Variants in HMGA2 observed in about 807,000 individuals in gnomAD.
HMGA2 encodes high mobility group protein HMGI-C.
In HMGA2, 8 loss-of-function variants were observed where a neutral mutation model predicts 19.1. The observed-to-expected ratio is 0.42, with a 90% CI of 0.25 to 0.76. HMGA2 has a LOEUF of 0.76. Among genes scored for constraint, HMGA2 ranks in the 30% least tolerant of loss-of-function variants. The pLI is 0.28. For missense variants in HMGA2, 109 were observed against 136.3 expected (o/e 0.80, Z 1.00); for synonymous variants, 60 against 48.8 (o/e 1.23, Z -0.96).
chr12:65,908,373 C>T (rs1490259811), intron 3 of HMGA2, among the ~76,000 whole-genome samples: 3 of 152,190 alleles, frequency 2.0e-5, no homozygotes, highest in South Asian at 2.1e-4. Flanking sequence ...CTGTTCTACT[C>T]AGTGTGATTT....
intron 3 of HMGA2, among the ~76,000 whole-genome samples, chr12:65,872,770 T>G (rs2121045264): frequency 6.6e-6 from 1 of 152,298 alleles, no homozygotes; most frequent in East Asian, 1.9e-4. Context: ...ACTGCAAGTG[T>G]TTTCTTCAGA....
Position 65,936,235 on chromosome 12 carries a change from A to G in HMGA2, c.250-15148A>G, listed in dbSNP as rs2121280911. 3.3e-5 allele frequency among the ~76,000 whole-genome samples: 5 copies of G among 149,306 alleles called. No homozygotes were observed. The East Asian group carries it at 9.7e-4, about 29-fold the overall frequency. ...TCATTTTTTTTTTTTTTGGCCTTAC[A>G]AGAATGTGGGGGGAGGATATCCCTA... On this transcript the variant is annotated intron_variant, in intron 3 of 4. Transcript: ENST00000403681.
intron 2 of HMGA2, among the ~76,000 whole-genome samples, chr12:65,833,544 C>T (rs73115419): frequency 0.017 from 2,636 of 152,170 alleles, 47 homozygotes; most frequent in South Asian, 0.04. Flanking sequence ...AAACCTGACC[C>T]TGAAGTCAGA....
At chr12:65,946,923 A>C (rs35084099) in intron 3 of HMGA2, among the ~76,000 whole-genome samples, 42,337 of 152,046 alleles carry the variant, frequency 0.28, 6,444 homozygotes, top group South Asian at 0.4. Flanking sequence ...GTTTCTTAGC[A>C]TGTTGTACCC....
intron 2 of HMGA2, 112 bp from the exon 3 acceptor site, chr12:65,838,406 AC>A (rs1870829881): frequency 6.6e-6 from 5 of 757,480 alleles, no homozygotes; most frequent in African/African-American, 1.9e-5. Flanking sequence ...AAAAAAAAAA[AC>A]CGATACGTCA....
At chr12:65,890,115 C>G (rs917443335) in intron 3 of HMGA2, among the ~76,000 whole-genome samples, 3 of 152,176 alleles carry the variant, frequency 2.0e-5, no homozygotes, top group Non-Finnish European at 2.9e-5. Context: ...GCAAAACACT[C>G]AGCAAAATGA....
At chr12:65,854,488 T>C (rs1447365709) in intron 3 of HMGA2, among the ~76,000 whole-genome samples, 1 of 152,208 alleles carries the variant, frequency 6.6e-6, no homozygotes, top group Non-Finnish European at 1.5e-5. Context: ...CAGTTTCGCA[T>C]GTACTTATTT....
chr12:65,914,981 A>G, intron 3 of HMGA2: 1 of 1,594,028 alleles, frequency 6.3e-7, no homozygotes. Context: ...GGTCTAAAAA[A>G]TGTCTATTAG....
At chr12:65,914,625 C>T (rs1042408935) in intron 3 of HMGA2, 15 of 283,566 alleles carry the variant, frequency 5.3e-5, no homozygotes, top group African/African-American at 3.3e-4. Flanking sequence ...CACATGTACC[C>T]TAAAACTTAA....
intron 3 of HMGA2, among the ~76,000 whole-genome samples, chr12:65,938,213 CAGAA>C (rs1176348016): frequency 6.6e-6 from 1 of 152,162 alleles, no homozygotes; most frequent in Non-Finnish European, 1.5e-5. Flanking sequence ...ACTGGAAGAG[CAGAA>C]AGAAAGAATC....
intron 3 of HMGA2, among the ~76,000 whole-genome samples, chr12:65,903,623 G>A (rs1427004270): frequency 3.9e-5 from 6 of 152,114 alleles, no homozygotes; most frequent in Middle Eastern, 6.8e-3. Flanking sequence ...AGAAATCACA[G>A]TGAGTATTTT....
intron 3 of HMGA2, among the ~76,000 whole-genome samples, chr12:65,904,824 C>T (rs1031831245): frequency 1.3e-5 from 2 of 151,860 alleles, no homozygotes; most frequent in Non-Finnish European, 2.9e-5. Flanking sequence ...GGCAGATCAC[C>T]TGAGGTCAGG....
intron 2 of HMGA2, 85 bp downstream of exon 2, chr12:65,828,172 C>T: frequency 1.0e-6 from 1 of 995,992 alleles, no homozygotes. Context: ...TCTAACTCCG[C>T]AGCCAGGAAT....
chr12:65,864,419 A>C (rs191208900), intron 3 of HMGA2, among the ~76,000 whole-genome samples: 6 of 152,346 alleles, frequency 3.9e-5, no homozygotes, highest in Admixed American at 3.3e-4. Context: ...AGCCAGAAAC[A>C]GAATTATGAG....
chr12:65,840,318 C>G (rs930795901), intron 3 of HMGA2, among the ~76,000 whole-genome samples: 1 of 152,156 alleles, frequency 6.6e-6, no homozygotes, highest in Admixed American at 6.5e-5. Context: ...TGTCTCTGCT[C>G]CATGATGTCT....
At chr12:65,876,223 T>C (rs1350436971) in intron 3 of HMGA2, among the ~76,000 whole-genome samples, 1 of 147,170 alleles carries the variant, frequency 6.8e-6, no homozygotes, top group Non-Finnish European at 1.5e-5. Context: ...AGGCCTGTTT[T>C]TTCAAAAAAA....
At position 65,824,995 on chromosome 12, in the gene HMGA2, C is replaced by A. The variant is rs966971925; in HGVS notation, c.-276C>A. On this transcript the variant is annotated 5_prime_UTR_variant, in exon 1 of 5. Transcript: ENST00000403681. The stretch of plus-strand genomic sequence containing the variant: ...ACCTCCACCTCCACCGCCACCTCCA[C>A]CTCCGGCACCCACCCACCGCCGCCG... 4.8e-5 allele frequency: 20 copies of A among 417,230 alleles called. No homozygotes were observed. Among genetic ancestry groups the A allele is most frequent in the Non-Finnish European group, 7.3e-5 (17 of 233,808 alleles). 25.8% of individuals were successfully genotyped at this position (417,230 alleles called of 1,614,324 possible).
At chr12:65,921,489 C>T (rs1293962031) in intron 3 of HMGA2, among the ~76,000 whole-genome samples, 22 of 152,240 alleles carry the variant, frequency 1.4e-4, no homozygotes, top group African/African-American at 2.9e-4. Context: ...CCTCATGACC[C>T]GCCCGCCTTG....
At chr12:65,948,897 G>A (rs1310671369) in intron 3 of HMGA2, among the ~76,000 whole-genome samples, 3 of 152,180 alleles carry the variant, frequency 2.0e-5, no homozygotes, top group African/African-American at 7.2e-5. Flanking sequence ...ACATGAATGC[G>A]GGAGCCTCTG....
Sources: gnomAD v4.1 joint callset for allele counts (sites outside exome capture counted in the v4.1 genomes callset) on GRCh38, gnomAD v4.1.1 for gene constraint, MANE v1.5 for transcripts, NCBI Gene and HGNC (gene_info 2026-07-23, HGNC 2026-07-21) for gene names.